PTPRT: variants seen among roughly 807,000 people sequenced by gnomAD.
PTPRT encodes the protein protein tyrosine phosphatase receptor type T.
In PTPRT, 56 loss-of-function variants were observed where a neutral mutation model predicts 176.8. That is an observed-to-expected ratio of 0.32 (90% CI 0.26 to 0.40). PTPRT has a LOEUF of 0.40. Among genes scored for constraint, PTPRT ranks in the 10% least tolerant of loss-of-function variants. The pLI is 1.00. For synonymous variants in PTPRT, 783 were observed against 739.0 expected (o/e 1.06, Z -0.96); for missense variants, 1,540 against 1,908.2 (o/e 0.81, Z 3.60).
chr20:43,011,736 A>G (rs1018665913), intron 1 of PTPRT, among the ~76,000 whole-genome samples: 2 of 152,228 alleles, frequency 1.3e-5, no homozygotes, highest in Non-Finnish European at 2.9e-5. Context: ...CCGAGTGTCA[A>G]CTTGTGTCTG....
At chr20:42,731,084 C>T (rs1277149481) in intron 6 of PTPRT, among the ~76,000 whole-genome samples, 1 of 152,130 alleles carries the variant, frequency 6.6e-6, no homozygotes, top group Non-Finnish European at 1.5e-5. Flanking sequence ...GAGAGAAGAC[C>T]TACAGAATGG....
At chr20:42,352,666 G>T (rs1015404730) in intron 9 of PTPRT, among the ~76,000 whole-genome samples, 1 of 152,044 alleles carries the variant, frequency 6.6e-6, no homozygotes, top group Non-Finnish European at 1.5e-5. Context: ...CACAACAGGC[G>T]GTCTATGGTC....
intron 7 of PTPRT, among the ~76,000 whole-genome samples, chr20:42,572,642 G>A (rs774525085): frequency 6.6e-6 from 1 of 152,156 alleles, no homozygotes; most frequent in South Asian, 2.1e-4. Context: ...TTCCCATACT[G>A]TATTCTTCTC....
intron 1 of PTPRT, among the ~76,000 whole-genome samples, chr20:43,167,238 A>G (rs1165504352): frequency 6.6e-6 from 1 of 152,232 alleles, no homozygotes; most frequent in Non-Finnish European, 1.5e-5. Flanking sequence ...CTTCTTAGAC[A>G]TACAGCAACA....
rs563658829 is a variant in PTPRT, at chr20:43,130,344, C to A, written c.88+59302G>T. 3.3e-5 allele frequency among the ~76,000 whole-genome samples: 5 copies of A among 152,214 alleles called. No individual in the cohort carries two copies. The East Asian group carries it at 9.7e-4, about 29-fold the overall frequency. The stretch of plus-strand genomic sequence containing the variant: ...TTTTCCCTTACCCCACCCCCTACCC[C>A]CAGAATAAAGTGCACCAGGTAGGAG... On this transcript the variant is annotated intron_variant, in intron 1 of 30. Coordinates refer to ENST00000373187, the MANE Select transcript of PTPRT (RefSeq NM_007050.6).
intron 14 of PTPRT, among the ~76,000 whole-genome samples, chr20:42,243,083 G>GAGAGACAGAGAGAC (rs552821093): frequency 6.6e-6 from 1 of 151,804 alleles, no homozygotes; most frequent in African/African-American, 2.4e-5. Flanking sequence ...GAGAAAGAGA[G>GAGAGACAGAGAGAC]AGAGACAGAG....
chr20:42,094,438 T>A (rs1240045045), intron 27 of PTPRT, among the ~76,000 whole-genome samples: 4 of 152,196 alleles, frequency 2.6e-5, no homozygotes, highest in African/African-American at 9.7e-5. Context: ...CTCTTTCTTT[T>A]TTTGACAGGG....
At position 42,080,867 on chromosome 20, in the gene PTPRT, C is replaced by T. The variant is rs968427161; in HGVS notation, c.*12G>A. On this transcript the variant is annotated 3_prime_UTR_variant, in exon 31 of 31. Transcript: ENST00000373187. ...AGCCTCTGGACTCCGGCAGGTTCCCCATCCCATTGAGCTAAAAGGAGCTTA... is the reference window on the plus strand; with the variant it reads ...AGCCTCTGGACTCCGGCAGGTTCCCTATCCCATTGAGCTAAAAGGAGCTTA... 3 of 1,605,694 alleles carry T rather than the reference C, an allele frequency of 1.9e-6. No individual in the cohort carries two copies. Among genetic ancestry groups the T allele is most frequent in the African/African-American group, 1.3e-5 (1 of 74,674 alleles).
At chr20:43,163,528 C>G (rs2014765587) in intron 1 of PTPRT, among the ~76,000 whole-genome samples, 1 of 152,054 alleles carries the variant, frequency 6.6e-6, no homozygotes, top group Non-Finnish European at 1.5e-5. Context: ...GTCCCAGCTA[C>G]TCAGGAGGCT....
chr20:42,724,352 G>T (rs2076346535), intron 6 of PTPRT, among the ~76,000 whole-genome samples: 1 of 152,182 alleles, frequency 6.6e-6, no homozygotes, highest in South Asian at 2.1e-4. Flanking sequence ...TCTATTCACT[G>T]CATCTCTCAG....
At chr20:43,109,761 G>A (rs2012781319) in intron 1 of PTPRT, among the ~76,000 whole-genome samples, 1 of 152,148 alleles carries the variant, frequency 6.6e-6, no homozygotes, top group African/African-American at 2.4e-5. Flanking sequence ...GGGGTAGCAT[G>A]TAAGTTAAGA....
intron 2 of PTPRT, among the ~76,000 whole-genome samples, chr20:42,874,365 C>T (rs1185364419): frequency 2.0e-5 from 3 of 152,124 alleles, no homozygotes; most frequent in African/African-American, 7.2e-5. Flanking sequence ...GACAATTCAA[C>T]AAACTGACAG....
intron 7 of PTPRT, among the ~76,000 whole-genome samples, chr20:42,631,321 G>A (rs141409835): frequency 5.3e-5 from 8 of 152,178 alleles, no homozygotes; most frequent in Admixed American, 4.6e-4. Context: ...AGAGCTATAT[G>A]TAATTAGTTA....
chr20:43,075,125 A>G lies in PTPRT; in HGVS notation c.88+114521T>C, dbSNP rs575447615. On this transcript the variant is annotated intron_variant, in intron 1 of 30. Transcript: ENST00000373187. ...GGCCATCGTCCTGCTTTCCGGCACT[A>G]AACAGCAGAGATGTATCTGCATCAA... Among the ~76,000 whole-genome samples, 9 of 152,338 alleles carry G rather than the reference A, an allele frequency of 5.9e-5. No individual in the cohort carries two copies. In the South Asian group the frequency reaches 1.9e-3, roughly 32 times the overall value.
At chr20:42,242,665 T>C (rs2056376666) in intron 14 of PTPRT, among the ~76,000 whole-genome samples, 1 of 152,126 alleles carries the variant, frequency 6.6e-6, no homozygotes. Flanking sequence ...GAGGTGAGAC[T>C]TTAGGAGACT....
At chr20:42,145,801 G>A (rs556238883) in intron 17 of PTPRT, among the ~76,000 whole-genome samples, 20 of 152,108 alleles carry the variant, frequency 1.3e-4, no homozygotes, top group Non-Finnish European at 2.9e-4. Flanking sequence ...GCTATTAATG[G>A]GTCATAATTT....
chr20:42,363,605 C>T (rs182207843), intron 9 of PTPRT, among the ~76,000 whole-genome samples: 11 of 151,818 alleles, frequency 7.2e-5, no homozygotes, highest in East Asian at 3.9e-4. Flanking sequence ...TCACCGTGCC[C>T]GGCCTATTAC....
chr20:42,577,387 CCAGGCTGTGCTG>C (rs1011068331), intron 7 of PTPRT, among the ~76,000 whole-genome samples: 3 of 152,138 alleles, frequency 2.0e-5, no homozygotes, highest in Non-Finnish European at 2.9e-5. Flanking sequence ...GAAAGGACCA[CCAGGCTGTGCTG>C]CAGGCTCTTC....
Position 42,442,406 on chromosome 20 carries a change from G to A in PTPRT, c.1560+5814C>T, listed in dbSNP as rs80134409. ...AAAGGCGCTCCCATACAGGAATGCC[G>A]CCTTGTTTTATTGAAGCGAAGTCTG... On this transcript the variant is annotated intron_variant, in intron 9 of 30. Transcript: ENST00000373187. Among the ~76,000 whole-genome samples the A allele has an allele frequency of 6.4e-3, 976 of 152,234 alleles. 4 individuals are homozygous for A. Among genetic ancestry groups the A allele is most frequent in the Admixed American group, 0.014 (213 of 15,296 alleles).
Sources: gnomAD v4.1 joint callset for allele counts (sites outside exome capture counted in the v4.1 genomes callset) on GRCh38, gnomAD v4.1.1 for gene constraint, MANE v1.5 for transcripts, NCBI Gene and HGNC (gene_info 2026-07-23, HGNC 2026-07-21) for gene names.